The following OXSR1 variants were observed in gnomAD, a reference collection of about 807,000 sequenced individuals.
The protein encoded by OXSR1 is serine/threonine-protein kinase OSR1.
OXSR1 carries 24 observed loss-of-function variants against 79.8 expected under a neutral mutation model. The observed-to-expected ratio is 0.30, with a 90% confidence interval of 0.22 to 0.42. OXSR1 has a LOEUF of 0.42. OXSR1 is among the 10% of genes least tolerant of loss of function. OXSR1 has a pLI of 1.00. For missense variants in OXSR1, 430 were observed against 618.4 expected (o/e 0.70, Z 3.23); for synonymous variants, 226 against 209.2 (o/e 1.08, Z -0.69).
intron 4 of OXSR1, among the ~76,000 whole-genome samples, chr3:38,204,070 T>TC (rs371780158): frequency 5.4e-4 from 81 of 150,260 alleles, no homozygotes; most frequent in Non-Finnish European, 7.9e-4. Context: ...TTCCCACTCT[T>TC]CCCCCCCCTT....
In OXSR1 at chr3:38,237,736, A is replaced by C. The variant is rs1424722021; in HGVS notation, c.1074+775A>C. On this transcript the variant is annotated intron_variant, in intron 11 of 17. Coordinates refer to ENST00000311806, the MANE Select transcript of OXSR1 (RefSeq NM_005109.3). ...AAGTTTGTAAAGTCCTTGCCAATGG[A>C]AGTTGGCAAAAATCGATTAAGCTCT... Among the ~76,000 whole-genome samples, 4 of 152,302 alleles carry C rather than the reference A, an allele frequency of 2.6e-5. No homozygotes were observed. The East Asian group carries it at 7.7e-4, about 29-fold the overall frequency.
chr3:38,250,056 A>G, intron 15 of OXSR1, 38 bp downstream of exon 15: 1 of 1,271,112 alleles, frequency 7.9e-7, no homozygotes, highest in Non-Finnish European at 1.1e-6. Flanking sequence ...AATAGCTTCC[A>G]ATTTGTGATT....
At chr3:38,244,876 GT>G (rs919784142) in intron 12 of OXSR1, among the ~76,000 whole-genome samples, 2 of 152,102 alleles carry the variant, frequency 1.3e-5, no homozygotes, top group African/African-American at 2.4e-5. Context: ...CCATCATACT[GT>G]TTTCCATAGA....
At chr3:38,214,520 T>A (rs1702447241) in intron 4 of OXSR1, among the ~76,000 whole-genome samples, 1 of 152,148 alleles carries the variant, frequency 6.6e-6, no homozygotes, top group Non-Finnish European at 1.5e-5. Flanking sequence ...GGGTTTTAGG[T>A]GAGCTCAGAA....
At chr3:38,189,932 G>A (rs906296320) in intron 2 of OXSR1, among the ~76,000 whole-genome samples, 1 of 152,184 alleles carries the variant, frequency 6.6e-6, no homozygotes, top group Non-Finnish European at 1.5e-5. Context: ...TATGTACCAT[G>A]ATGGGAGGAG....
chr3:38,175,806 T>TAAAGAACTAACTA (rs1372435038), intron 1 of OXSR1, among the ~76,000 whole-genome samples: 1 of 152,180 alleles, frequency 6.6e-6, no homozygotes, highest in African/African-American at 2.4e-5. Flanking sequence ...TGGTTGCAGT[T>TAAAGAACTAACTA]AAAGAACTAA....
intron 11 of OXSR1, among the ~76,000 whole-genome samples, chr3:38,238,018 G>A (rs753832744): frequency 2.0e-5 from 3 of 152,006 alleles, no homozygotes; most frequent in Non-Finnish European, 4.4e-5. Flanking sequence ...ACAAATATTT[G>A]GAGAGATACA....
At chr3:38,244,865 AC>A in intron 12 of OXSR1, among the ~76,000 whole-genome samples, 1 of 151,926 alleles carries the variant, frequency 6.6e-6, no homozygotes, top group Admixed American at 6.6e-5. Flanking sequence ...TTTTTGAGGG[AC>A]CATCATACTG....
intron 1 of OXSR1, among the ~76,000 whole-genome samples, chr3:38,167,035 G>A (rs540790068): frequency 6.6e-6 from 1 of 152,256 alleles, no homozygotes; most frequent in African/African-American, 2.4e-5. Context: ...TAAGGGAAGA[G>A]CTTGATTTGT....
At chr3:38,229,129 C>T (rs756220516) in intron 8 of OXSR1, among the ~76,000 whole-genome samples, 5 of 152,046 alleles carry the variant, frequency 3.3e-5, no homozygotes, top group Non-Finnish European at 2.9e-5. Context: ...GAGTTAAACA[C>T]TGAGTTTTGT....
At chr3:38,248,647 A>G (rs758797473) in intron 14 of OXSR1, among the ~76,000 whole-genome samples, 4 of 152,150 alleles carry the variant, frequency 2.6e-5, no homozygotes, top group Non-Finnish European at 4.4e-5. Context: ...TGTGGTAAGG[A>G]GAATCTCATT....
At chr3:38,237,134 A>C (rs936235287) in intron 11 of OXSR1, among the ~76,000 whole-genome samples, 173 bp downstream of exon 11, 3 of 152,162 alleles carry the variant, frequency 2.0e-5, no homozygotes, top group Admixed American at 2.0e-4. Flanking sequence ...CTGTTTGAAT[A>C]TGATAATATT....
chr3:38,193,396 A>G, intron 3 of OXSR1: 4 of 1,288,110 alleles, frequency 3.1e-6, no homozygotes, highest in Non-Finnish European at 4.1e-6. Flanking sequence ...TTCTTTCAGT[A>G]TGGAGAGATA....
intron 3 of OXSR1, chr3:38,193,382 A>G (rs1467701064): frequency 1.6e-6 from 2 of 1,288,722 alleles, no homozygotes; most frequent in African/African-American, 1.5e-5. Context: ...GTGGTCAAGC[A>G]TGGTTCTTTC....
chr3:38,179,305 C>T (rs1559501390), intron 1 of OXSR1, among the ~76,000 whole-genome samples: 2 of 152,106 alleles, frequency 1.3e-5, no homozygotes, highest in Non-Finnish European at 2.9e-5. Flanking sequence ...GCTGGGATTA[C>T]AGACATGAGC....
At chr3:38,168,093 G>A (rs966085566) in intron 1 of OXSR1, among the ~76,000 whole-genome samples, 2 of 152,074 alleles carry the variant, frequency 1.3e-5, no homozygotes, top group Admixed American at 1.3e-4. Flanking sequence ...TCAGTCTTCT[G>A]GATAGGGTTA....
intron 5 of OXSR1, among the ~76,000 whole-genome samples, chr3:38,221,077 G>C (rs1436152015): frequency 6.6e-6 from 1 of 152,176 alleles, no homozygotes; most frequent in African/African-American, 2.4e-5. Context: ...AGAGCTCTTT[G>C]AATACTAAGC....
intron 3 of OXSR1, among the ~76,000 whole-genome samples, chr3:38,197,888 C>A (rs927718393): frequency 6.6e-6 from 1 of 152,170 alleles, no homozygotes. Context: ...TGAATCTTTT[C>A]TTTGCAGTCT....
At chr3:38,194,095 A>T (rs562580815) in intron 3 of OXSR1, among the ~76,000 whole-genome samples, 55 of 152,296 alleles carry the variant, frequency 3.6e-4, no homozygotes, top group African/African-American at 1.3e-3. Flanking sequence ...TCAAATACTT[A>T]TTGATCTCCA....
Sources: gnomAD v4.1 joint callset for allele counts (sites outside exome capture counted in the v4.1 genomes callset) on GRCh38, gnomAD v4.1.1 for gene constraint, MANE v1.5 for transcripts, NCBI Gene and HGNC (gene_info 2026-07-23, HGNC 2026-07-21) for gene names.